The following WDR44 variants were observed in gnomAD, a reference collection of about 807,000 sequenced individuals.
WDR44 encodes the protein WD repeat domain 44.
WDR44 carries 9 observed loss-of-function variants against 65.7 expected under a neutral mutation model. That is an observed-to-expected ratio of 0.14 (90% CI 0.08 to 0.24). The LOEUF (loss-of-function observed/expected upper bound fraction) is 0.24. Ranked by LOEUF, WDR44 falls within the 10% of genes least tolerant of loss-of-function variation. The probability of loss-of-function intolerance (pLI) is 1.00; values close to 1 mark genes in which losing one functional copy is unlikely to be tolerated. For synonymous variants in WDR44, 220 were observed against 235.2 expected (o/e 0.94, Z 0.59); for missense variants, 425 against 670.9 (o/e 0.63, Z 4.05).
At chrX:118,429,459 T>C (rs991344134) in intron 12 of WDR44, among the ~76,000 whole-genome samples, 3 of 107,912 alleles carry the variant, frequency 2.8e-5, no homozygotes, top group Non-Finnish European at 5.8e-5. Flanking sequence ...TGTGGTGCTG[T>C]GTGCCTATAA....
At chrX:118,385,550 G>A (rs1174986207) in intron 2 of WDR44, among the ~76,000 whole-genome samples, 8 of 111,057 alleles carry the variant, frequency 7.2e-5, no homozygotes, top group African/African-American at 2.6e-4. Context: ...AATGACTAAT[G>A]TGTACTAGGC....
rs184603432 is a variant in WDR44 at position 118,399,905 on chromosome X, G to A, written c.1274+1435G>A. ...GTTTGAGAGCAGCCTGAGCAACACAGGTAGACTCACTCTTTACCAAAAAAT... is the reference window on the plus strand; with the variant it reads ...GTTTGAGAGCAGCCTGAGCAACACAAGTAGACTCACTCTTTACCAAAAAAT... On this transcript the variant is annotated intron_variant, in intron 8 of 19. Coordinates refer to ENST00000254029, the MANE Select transcript of WDR44 (RefSeq NM_019045.5). Among the ~76,000 whole-genome samples the A allele has an allele frequency of 2.4e-4, 27 of 111,291 alleles. 1 individual carries two copies. Among genetic ancestry groups the A allele is most frequent in the African/African-American group, 8.5e-4 (26 of 30,694 alleles).
intron 1 of WDR44, among the ~76,000 whole-genome samples, chrX:118,368,857 C>T (rs779390923): frequency 6.7e-5 from 7 of 104,825 alleles, no homozygotes; most frequent in African/African-American, 2.5e-4. Context: ...GCTGGGACTA[C>T]GGGTGTGCAC....
chrX:118,352,329 TATATATA>T (rs2056414391), intron 1 of WDR44, among the ~76,000 whole-genome samples: 1 of 14,459 alleles, frequency 6.9e-5, no homozygotes, highest in African/African-American at 5.5e-4. Flanking sequence ...TATATATATA[TATATATA>T]TATATATATA....
chrX:118,439,675 C>G (rs5956992), intron 14 of WDR44, among the ~76,000 whole-genome samples: 29,368 of 110,396 alleles, frequency 0.27, 3,187 homozygotes, highest in African/African-American at 0.39. Context: ...TACTTGTTCA[C>G]CTCTTCTACT....
At chrX:118,446,435 C>A (rs192391555) in intron 19 of WDR44, among the ~76,000 whole-genome samples, 57 of 111,558 alleles carry the variant, frequency 5.1e-4, no homozygotes, top group African/African-American at 1.4e-3. Flanking sequence ...ATATATGATT[C>A]TTTTTTAATT....
chrX:118,422,878 C>G (rs7054578), intron 12 of WDR44, among the ~76,000 whole-genome samples: 14,678 of 110,746 alleles, frequency 0.13, 1,097 homozygotes, highest in African/African-American at 0.28. Flanking sequence ...TTAAGTAACT[C>G]AACAATTTCA....
rs541429577 is a variant in WDR44 at position 118,439,117 on chromosome X, G to T, written c.1975-2251G>T. Among the ~76,000 whole-genome samples the T allele has an allele frequency of 2.6e-4, 28 of 108,565 alleles. 1 individual carries two copies. Among genetic ancestry groups the T allele is most frequent in the South Asian group, 2.4e-3 (6 of 2,472 alleles). The allele number at this position is 108,565 out of a possible 115,157, so 94.3% of individuals were successfully genotyped here. On this transcript the variant is annotated intron_variant, in intron 14 of 19. Transcript: ENST00000254029. ...ATGATTTTTTATAGTGCTTTTATTT[G>T]GTTTTATTTTGGAAACTATAAAGCC...
chrX:118,378,478 G>A, intron 2 of WDR44, 26 bp downstream of exon 2: 1 of 1,182,363 alleles, frequency 8.5e-7, no homozygotes, highest in Non-Finnish European at 1.1e-6. Flanking sequence ...TGAAAGTTAT[G>A]TTTTTAGAAA....
chrX:118,424,114 C>G (rs556214373), intron 12 of WDR44, among the ~76,000 whole-genome samples: 1 of 107,529 alleles, frequency 9.3e-6, no homozygotes, highest in Non-Finnish European at 1.9e-5. Flanking sequence ...AAATATATAC[C>G]CAGAAGTGGA....
intron 1 of WDR44, among the ~76,000 whole-genome samples, chrX:118,356,593 T>C (rs1391298199): frequency 9.1e-6 from 1 of 110,039 alleles, no homozygotes; most frequent in South Asian, 3.9e-4. Context: ...TGTCACTCTT[T>C]GTGACTACCT....
intron 1 of WDR44, among the ~76,000 whole-genome samples, chrX:118,377,194 CA>C (rs755783000): frequency 2.8e-5 from 3 of 108,863 alleles, no homozygotes; most frequent in African/African-American, 1.0e-4. Context: ...CCTGTCTCTA[CA>C]AAAAAATACA....
At chrX:118,417,526 T>C (rs1365030220) in intron 12 of WDR44, among the ~76,000 whole-genome samples, 1 of 112,069 alleles carries the variant, frequency 8.9e-6, no homozygotes, top group Non-Finnish European at 1.9e-5. Flanking sequence ...CCCTTCTAGC[T>C]TGTAGGGTTT....
chrX:118,378,735 T>TGTGTGTGTGTGTGTG (rs1556057149), intron 2 of WDR44, among the ~76,000 whole-genome samples: 2 of 106,458 alleles, frequency 1.9e-5, no homozygotes, highest in Admixed American at 2.1e-4. Flanking sequence ...TGTGTGTGTG[T>TGTGTGTGTGTGTGTG]TGAAAAAGTG....
chrX:118,402,307 C>T (rs1466140285), intron 8 of WDR44, among the ~76,000 whole-genome samples: 4 of 106,117 alleles, frequency 3.8e-5, no homozygotes, highest in Admixed American at 1.0e-4. Flanking sequence ...TGGTGGTGGG[C>T]GCCTGTACTC....
intron 12 of WDR44, among the ~76,000 whole-genome samples, chrX:118,420,324 T>C (rs1022355900): frequency 8.1e-5 from 9 of 111,008 alleles, no homozygotes; most frequent in African/African-American, 3.0e-4. Context: ...TGATCTCGGC[T>C]CATTTGCAAC....
chrX:118,352,318 TTATATATATATA>T (rs1234642278), intron 1 of WDR44, among the ~76,000 whole-genome samples: 4 of 16,865 alleles, frequency 2.4e-4, no homozygotes, highest in African/African-American at 8.0e-4. Context: ...CCCAGCTAAT[TTATATATATATA>T]TATATATATA....
rs1199050843 is a variant in WDR44, at chrX:118,442,528, G to A, written c.2269-37G>A. The A allele has an allele frequency of 2.6e-6, 3 of 1,152,343 alleles. No individual in the cohort carries two copies. The South Asian group carries it at 5.5e-5, about 21-fold the overall frequency. The allele number at this position is 1,152,343 out of a possible 1,213,427, so 95.0% of individuals were successfully genotyped here. ...GGTTGTAGCTTAGCTTGTACTAAAA[G>A]ATGATATTTTTAACTTTTCATTTGA... On this transcript the variant is annotated intron_variant, in intron 16 of 19. Transcript: ENST00000254029.
At chrX:118,436,408 G>A in intron 13 of WDR44, 1 of 310,573 alleles carries the variant, frequency 3.2e-6, no homozygotes, top group East Asian at 7.6e-5. Flanking sequence ...AACAACTAAG[G>A]CACACCTTAG....
Sources: allele counts gnomAD v4.1 joint callset (sites outside exome capture counted in the v4.1 genomes callset), GRCh38; gene constraint gnomAD v4.1.1; transcripts MANE v1.5; gene names NCBI Gene and HGNC (gene_info 2026-07-23, HGNC 2026-07-21).